The following ZNF609 variants were observed in gnomAD, a reference collection of about 807,000 sequenced individuals.
ZNF609 encodes zinc finger protein 609.
Under a neutral mutation model 109.5 loss-of-function variants are expected in ZNF609, and 11 were observed. The ratio of observed to expected loss-of-function variants is 0.10; its 90% CI spans 0.06 to 0.17. The LOEUF is 0.17. ZNF609 is among the 10% of genes least tolerant of loss of function. The probability of loss-of-function intolerance (pLI) is 1.00; values close to 1 mark genes in which losing one functional copy is unlikely to be tolerated. For synonymous variants in ZNF609, 646 were observed against 662.0 expected (o/e 0.98, Z 0.37); for missense variants, 1,559 against 1,772.4 (o/e 0.88, Z 2.16).
chr15:64,626,114 A>G (rs1895959312), intron 3 of ZNF609, among the ~76,000 whole-genome samples: 1 of 151,832 alleles, frequency 6.6e-6, no homozygotes, highest in Admixed American at 6.6e-5. Flanking sequence ...TTTTAATCCT[A>G]CTTTTAATAC....
At chr15:64,620,850 G>A (rs1221416141) in intron 2 of ZNF609, among the ~76,000 whole-genome samples, 2 of 152,186 alleles carry the variant, frequency 1.3e-5, no homozygotes, top group African/African-American at 2.4e-5. Flanking sequence ...AGTTTTCAAG[G>A]CCAGGAAGGT....
At chr15:64,469,427 CAAAAAAAAAAAAAA>C (rs34210041) in intron 1 of ZNF609, among the ~76,000 whole-genome samples, 3 of 73,574 alleles carry the variant, frequency 4.1e-5, no homozygotes, top group African/African-American at 1.1e-4. Context: ...ACCCTATTTC[CAAAAAAAAAAAAAA>C]AAAAAAAAAA....
intron 2 of ZNF609, among the ~76,000 whole-genome samples, chr15:64,573,447 C>T (rs991357165): frequency 1.4e-5 from 2 of 147,588 alleles, no homozygotes; most frequent in East Asian, 2.1e-4. Context: ...CTCCGCCTGC[C>T]GGGTTCATAC....
intron 2 of ZNF609, among the ~76,000 whole-genome samples, chr15:64,505,982 T>A (rs1043355443): frequency 2.6e-5 from 4 of 151,884 alleles, no homozygotes; most frequent in Admixed American, 6.6e-5. Context: ...CTCAAAAAAA[T>A]AATAATAATA....
chr15:64,583,155 C>G (rs1895140349), intron 2 of ZNF609, among the ~76,000 whole-genome samples: 1 of 151,396 alleles, frequency 6.6e-6, no homozygotes, highest in Admixed American at 6.6e-5. Flanking sequence ...GCGTCAGCCT[C>G]CAGAGTAGCT....
chr15:64,595,057 G>C (rs954242045), intron 2 of ZNF609, among the ~76,000 whole-genome samples: 1 of 149,186 alleles, frequency 6.7e-6, no homozygotes, highest in Non-Finnish European at 1.5e-5. Flanking sequence ...TGGGTTTGGA[G>C]CTGTGAGTTT....
chr15:64,624,760 A>C (rs1325954642), intron 3 of ZNF609, among the ~76,000 whole-genome samples: 6 of 89,702 alleles, frequency 6.7e-5, no homozygotes, highest in East Asian at 4.6e-4. Context: ...TGTTACGTAC[A>C]CTTTTTTTTT....
At chr15:64,513,881 T>TA (rs1377066254) in intron 2 of ZNF609, among the ~76,000 whole-genome samples, 1 of 151,904 alleles carries the variant, frequency 6.6e-6, no homozygotes, top group East Asian at 1.9e-4. Context: ...TGCTTGAGCT[T>TA]AGAAGTTCAA....
chr15:64,467,847 GA>G lies in ZNF609; in HGVS notation c.-128+7015del, dbSNP rs537908736. ...CAACAGAGCAAGGCTCTGTCAAAAA[GA>G]AAAAAGAAAATATGTGCCTTAAGTA... On this transcript the variant is annotated intron_variant, in intron 1 of 9. Transcript: ENST00000326648. 1.1e-4 allele frequency among the ~76,000 whole-genome samples: 17 copies of G among 152,082 alleles called. No individual in the cohort carries two copies. The South Asian group carries it at 3.5e-3, about 32-fold the overall frequency.
At chr15:64,546,408 C>A (rs973442453) in intron 2 of ZNF609, among the ~76,000 whole-genome samples, 2 of 151,672 alleles carry the variant, frequency 1.3e-5, no homozygotes, top group Non-Finnish European at 2.9e-5. Context: ...CCATGCCTGG[C>A]TAAGATTTTA....
intron 1 of ZNF609, among the ~76,000 whole-genome samples, chr15:64,475,274 C>T (rs1893152668): frequency 6.6e-6 from 1 of 151,862 alleles, no homozygotes; most frequent in Admixed American, 6.6e-5. Context: ...AATTTCCTTC[C>T]TGAAGCCTTT....
chr15:64,516,516 G>A (rs1195320076), intron 2 of ZNF609, among the ~76,000 whole-genome samples: 6 of 152,068 alleles, frequency 3.9e-5, no homozygotes, highest in Non-Finnish European at 1.5e-5. Context: ...TGGGATGACA[G>A]GCATGCGCCA....
chr15:64,675,768 C>T lies in ZNF609; in HGVS notation c.2914C>T (p.Leu972=), dbSNP rs749002801. Residue 972 remains leucine, a synonymous_variant, in exon 5 of 10, where the codon CTG becomes TTG. Transcript: ENST00000326648. The stretch of plus-strand genomic sequence containing the variant: ...GCGTCCCAATATGTACATGCAGTCC[C>T]TGTACTACAACCAGTATGCCTATGT... The part of the protein sequence containing the change: ...QQRPNMYMQS[L]YYNQYAYVPP... 16 of 1,614,148 alleles carry T rather than the reference C, an allele frequency of 9.9e-6. 1 individual carries two copies. Among genetic ancestry groups the T allele is most frequent in the Admixed American group, 8.3e-5 (5 of 60,006 alleles).
chr15:64,564,692 AT>A (rs1379903366), intron 2 of ZNF609, among the ~76,000 whole-genome samples: 11 of 151,744 alleles, frequency 7.2e-5, no homozygotes, highest in African/African-American at 2.7e-4. Flanking sequence ...AGTATAACCT[AT>A]TTCAGTGTGG....
intron 2 of ZNF609, among the ~76,000 whole-genome samples, chr15:64,535,956 CTTTT>C (rs767045814): frequency 2.7e-5 from 4 of 149,862 alleles, no homozygotes. Context: ...TGCCCACTTT[CTTTT>C]TTTTTCATTT....
At chr15:64,672,006 C>CTTTTTTTTT (rs771330218) in intron 4 of ZNF609, among the ~76,000 whole-genome samples, 6 of 86,754 alleles carry the variant, frequency 6.9e-5, no homozygotes, top group Non-Finnish European at 8.3e-5. Flanking sequence ...GAGGCTTAGA[C>CTTTTTTTTT]TTTTTTTTTT....
chr15:64,526,509 A>G (rs535944154), intron 2 of ZNF609, among the ~76,000 whole-genome samples: 2 of 152,350 alleles, frequency 1.3e-5, no homozygotes, highest in African/African-American at 4.8e-5. Flanking sequence ...AAGAACAGAC[A>G]TCCTTAACTT....
intron 2 of ZNF609, among the ~76,000 whole-genome samples, chr15:64,582,181 C>T (rs1168522927): frequency 6.6e-6 from 1 of 152,184 alleles, no homozygotes; most frequent in African/African-American, 2.4e-5. Context: ...TATAGCCTTA[C>T]TCCTTCATTT....
chr15:64,554,450 G>A (rs1784041107), intron 2 of ZNF609, among the ~76,000 whole-genome samples: 1 of 151,932 alleles, frequency 6.6e-6, no homozygotes, highest in Admixed American at 6.6e-5. Context: ...AGACCAGCCT[G>A]GACAACAAGA....
Sources: allele counts gnomAD v4.1 joint callset (sites outside exome capture counted in the v4.1 genomes callset), GRCh38; gene constraint gnomAD v4.1.1; transcripts MANE v1.5; gene names NCBI Gene and HGNC (gene_info 2026-07-23, HGNC 2026-07-21).